The following SYTL5 variants were observed in gnomAD, a reference collection of about 807,000 sequenced individuals.
The protein encoded by SYTL5 is synaptotagmin-like protein 5.
SYTL5 carries 34 observed loss-of-function variants against 55.9 expected under a neutral mutation model. That is an observed-to-expected ratio of 0.61 (90% confidence interval 0.46 to 0.81). The LOEUF is 0.81. Among genes scored for constraint, SYTL5 ranks in the 30% least tolerant of loss-of-function variants. SYTL5 has a pLI of 0.00. For synonymous variants in SYTL5, 221 were observed against 188.7 expected (o/e 1.17, Z -1.40); for missense variants, 637 against 546.7 (o/e 1.17, Z -1.65).
chrX:38,086,190 C>T (rs1216829627), intron 6 of SYTL5, among the ~76,000 whole-genome samples: 1 of 111,505 alleles, frequency 9.0e-6, no homozygotes, highest in African/African-American at 3.3e-5. Context: ...GCCCATGTTC[C>T]ATGAGAAGGG....
rs41309741 is a variant in SYTL5 at position 38,102,545 on chromosome X, A to G, written c.1155+111A>G. 2.7e-3 allele frequency: 1,483 copies of G among 541,054 alleles called. 1 individual carries two copies. The highest frequency in any genetic ancestry group is 4.1e-3 in the Non-Finnish European group (1,318 of 318,181). The allele number at this position is 541,054 out of a possible 1,213,427, so 44.6% of individuals were successfully genotyped here. A position where few individuals can be genotyped will look rare whatever the true frequency, so the allele number is the denominator to read the frequency against. On this transcript the variant is annotated intron_variant, in intron 10 of 16. Coordinates refer to ENST00000297875, the MANE Select transcript of SYTL5 (RefSeq NM_138780.3). ...TAGGAAAATGTGTGATAATGAGTTA[A>G]AAGTCATTGTAAGATCCTGCTTGCC...
At chrX:37,986,644 C>G in the SYTL5 span, among the ~76,000 whole-genome samples, 6 of 111,319 alleles carry the variant, frequency 5.4e-5, no homozygotes, top group African/African-American at 2.0e-4. Flanking sequence ...CTTATTCCCC[C>G]GCTTTGAGAA....
intron 2 of SYTL5, among the ~76,000 whole-genome samples, chrX:38,040,897 G>A (rs1935266529): frequency 8.9e-6 from 1 of 111,884 alleles, no homozygotes; most frequent in Non-Finnish European, 1.9e-5. Context: ...CTGCCAAACT[G>A]TTCTCTATAG....
intron 3 of SYTL5, among the ~76,000 whole-genome samples, chrX:38,063,089 G>GTT (rs201399864): frequency 2.1e-4 from 23 of 107,027 alleles, no homozygotes; most frequent in African/African-American, 6.4e-4. Context: ...GGTATGTGGA[G>GTT]TTTTTTTTTT....
the SYTL5 span, among the ~76,000 whole-genome samples, chrX:37,944,144 G>C: frequency 1.3e-4 from 14 of 111,381 alleles, no homozygotes; most frequent in African/African-American, 3.3e-4. Context: ...TTGGAGCATA[G>C]TCGTTTCATG....
upstream of SYTL5, among the ~76,000 whole-genome samples, chrX:38,004,299 G>GT (rs770230121): frequency 2.7e-5 from 3 of 111,346 alleles, no homozygotes; most frequent in Non-Finnish European, 3.8e-5. Flanking sequence ...CCAATGTTTT[G>GT]TTTTTGTTGT....
chrX:38,122,231 C>T lies in SYTL5; in HGVS notation c.1841+16C>T, dbSNP rs773168335. 2 of 1,195,973 alleles carry T rather than the reference C, an allele frequency of 1.7e-6. No homozygotes were observed. The highest frequency in any genetic ancestry group is 2.3e-6 in the Non-Finnish European group (2 of 884,963). On this transcript the variant is annotated intron_variant, in intron 15 of 16. Coordinates refer to ENST00000297875, the MANE Select transcript of SYTL5 (RefSeq NM_138780.3). ...TTGTGAAGGGGTAACTTTGTTTTAG[C>T]TCTTTTTGGATGATACTTAATAGGA... is the stretch of plus-strand genomic sequence containing the variant.
At chrX:38,119,022 C>T (rs1937539273) in intron 13 of SYTL5, among the ~76,000 whole-genome samples, 1 of 103,654 alleles carries the variant, frequency 9.6e-6, no homozygotes, top group African/African-American at 3.8e-5. Context: ...CTGTGTTGCC[C>T]AGGCTGGTCT....
Position 38,022,332 on chromosome X carries a change from AC to A in SYTL5, c.-356-11201del, listed in dbSNP as rs941973716. On this transcript the variant is annotated intron_variant, in intron 1 of 16. Transcript: ENST00000297875. ...CCAATTGCTGCTGTAGCCAATCACC[AC>A]AAACATATTGTCTTAAAACAATACA... Among the ~76,000 whole-genome samples the A allele has an allele frequency of 2.7e-5, 3 of 112,376 alleles. No individual in the cohort carries two copies. The Admixed American group carries it at 2.8e-4, about 11-fold the overall frequency.
At chrX:37,944,598 A>G in the SYTL5 span, among the ~76,000 whole-genome samples, 1 of 111,376 alleles carries the variant, frequency 9.0e-6, no homozygotes, top group Non-Finnish European at 1.9e-5. Context: ...CAAAAAATGG[A>G]GGGTCATTCC....
At chrX:38,079,949 A>C (rs1048332842) in intron 6 of SYTL5, among the ~76,000 whole-genome samples, 2 of 112,287 alleles carry the variant, frequency 1.8e-5, no homozygotes, top group African/African-American at 6.5e-5. Context: ...TTTTAGTATA[A>C]GTATGTTTCA....
chrX:37,975,437 T>C, the SYTL5 span, among the ~76,000 whole-genome samples: 1 of 111,835 alleles, frequency 8.9e-6, no homozygotes, highest in African/African-American at 3.3e-5. Flanking sequence ...AATAATGAGA[T>C]AGAAAATGAG....
intron 8 of SYTL5, among the ~76,000 whole-genome samples, chrX:38,094,817 T>G (rs1481194570): frequency 8.9e-6 from 1 of 111,791 alleles, no homozygotes; most frequent in Non-Finnish European, 1.9e-5. Flanking sequence ...TCCCTACATA[T>G]AGACAAAAGA....
At chrX:38,023,606 A>G (rs981216597) in intron 1 of SYTL5, among the ~76,000 whole-genome samples, 6 of 111,800 alleles carry the variant, frequency 5.4e-5, no homozygotes, top group Non-Finnish European at 1.1e-4. Context: ...TCAGCTCGCA[A>G]TATAACTTAG....
At chrX:37,912,474 G>A in the SYTL5 span, among the ~76,000 whole-genome samples, 1 of 111,691 alleles carries the variant, frequency 9.0e-6, no homozygotes, top group African/African-American at 3.3e-5. Flanking sequence ...ATCTCCCATT[G>A]TAAATTACTA....
the SYTL5 span, among the ~76,000 whole-genome samples, chrX:37,966,439 T>TTC: frequency 1.9e-4 from 16 of 86,225 alleles, no homozygotes; most frequent in African/African-American, 8.2e-4. Context: ...TCTTTTTCTT[T>TTC]TTTTTTTTTT....
At chrX:37,947,960 A>G in the SYTL5 span, among the ~76,000 whole-genome samples, 2 of 111,684 alleles carry the variant, frequency 1.8e-5, no homozygotes, top group Non-Finnish European at 3.8e-5. Context: ...TGATGTTTTT[A>G]TACATTTCCA....
At chrX:38,001,122 C>G in the SYTL5 span, among the ~76,000 whole-genome samples, 1 of 110,857 alleles carries the variant, frequency 9.0e-6, no homozygotes, top group Non-Finnish European at 1.9e-5. Context: ...GGGTGGAGCC[C>G]TAGCCACAGA....
chrX:38,056,980 A>G (rs1935806717), intron 3 of SYTL5, among the ~76,000 whole-genome samples: 2 of 111,543 alleles, frequency 1.8e-5, no homozygotes, highest in Non-Finnish European at 3.8e-5. Context: ...GAAGCTTTTT[A>G]ACTTGATATG....
Sources: gnomAD v4.1 joint callset for allele counts (sites outside exome capture counted in the v4.1 genomes callset) on GRCh38, gnomAD v4.1.1 for gene constraint, MANE v1.5 for transcripts, NCBI Gene and HGNC (gene_info 2026-07-23, HGNC 2026-07-21) for gene names.